GPN2: variants seen among roughly 807,000 people sequenced by gnomAD.
GPN2 encodes the protein GPN-loop GTPase 2.
In GPN2, 27 loss-of-function variants were observed where a neutral mutation model predicts 30.1. The observed-to-expected ratio is 0.90, with a 90% CI of 0.66 to 1.24. GPN2 has a LOEUF of 1.24. Among genes scored for constraint, GPN2 ranks in the 50% most tolerant of loss-of-function variants. GPN2 has a pLI of 0.00. For synonymous variants in GPN2, 212 were observed against 174.4 expected (o/e 1.22, Z -1.70); for missense variants, 406 against 405.4 (o/e 1.00, Z -0.01).
At chr1:26,889,342 G>C (rs2081908055) in intron 1 of GPN2, among the ~76,000 whole-genome samples, 1 of 151,966 alleles carries the variant, frequency 6.6e-6, no homozygotes, top group Non-Finnish European at 1.5e-5. Flanking sequence ...GTGGGCAAGG[G>C]GTTTAAATCC....
intron 2 of GPN2, among the ~76,000 whole-genome samples, chr1:26,887,153 T>G (rs2081895249): frequency 6.6e-6 from 1 of 152,196 alleles, no homozygotes; most frequent in Non-Finnish European, 1.5e-5. Context: ...ACTGAATAAA[T>G]GCTACATTCT....
In GPN2 at chr1:26,889,857, G is replaced by A; in HGVS notation, c.240C>T (p.Gly80=). 1 of 1,612,762 alleles carries A rather than the reference G, an allele frequency of 6.2e-7. No homozygotes were observed. The highest frequency in any genetic ancestry group is 1.1e-5 in the South Asian group (1 of 91,046). ...CCAGGTACTCCATGCAGTAGAGCAG[G>A]CCGCCGTTGGGCCCCAGGCGCAGCG... ...MDALRLGPNG[G]LLYCMEYLEA... Residue 80 remains glycine, a synonymous_variant, in exon 1 of 5, where the codon GGC becomes GGT. Transcript: ENST00000374135.
Position 26,879,492 on chromosome 1 carries a change from G to A in GPN2, c.*185C>T, listed in dbSNP as rs2081854310. 1.6e-6 allele frequency: 1 copy of A among 610,852 alleles called. No individual in the cohort carries two copies. Among genetic ancestry groups the A allele is most frequent in the Non-Finnish European group, 3.0e-6 (1 of 334,696 alleles). The allele number at this position is 610,852 out of a possible 1,614,324, so 37.8% of individuals were successfully genotyped here. On this transcript the variant is annotated 3_prime_UTR_variant, in exon 5 of 5. Coordinates refer to ENST00000374135, the MANE Select transcript of GPN2 (RefSeq NM_018066.4). Reference sequence around the variant, plus strand: ...TCACGGACACCACTGACAGTATGGGGGGTGTTCTGCTTGGCACCATGTCTG... The same window carrying A: ...TCACGGACACCACTGACAGTATGGGAGGTGTTCTGCTTGGCACCATGTCTG...
rs773563119 is a variant in GPN2 at position 26,884,305 on chromosome 1, G to A, written c.730-15C>T. ...CTCTCCTTGTCCTGAGCAGGGAGGA[G>A]AGAAACAGTTCTGTGAGTGAAACAG... On this transcript the variant is annotated splice_polypyrimidine_tract_variant and intron_variant, in intron 3 of 4. Transcript: ENST00000374135. 43 of 1,598,362 alleles carry A rather than the reference G, an allele frequency of 2.7e-5. No homozygotes were observed. Among genetic ancestry groups the A allele is most frequent in the East Asian group, 4.5e-5 (2 of 44,644 alleles).
Position 26,889,053 on chromosome 1 carries a change from A to C in GPN2, c.484T>G (p.Ser162Ala). 6.2e-7 allele frequency: 1 copy of C among 1,613,904 alleles called. No individual in the cohort carries two copies. Among genetic ancestry groups the C allele is most frequent in the Non-Finnish European group, 8.5e-7 (1 of 1,179,740 alleles). Reference sequence around the variant, plus strand: ...TCCACGTGCAGCATGGTGGCCAGGGAGGTACACAGTACTGAAATGAACTTG... The same window carrying C: ...TCCACGTGCAGCATGGTGGCCAGGGCGGTACACAGTACTGAAATGAACTTG... ...PAKFISVLCTSLATMLHVELP... is the reference protein window; with the variant it reads ...PAKFISVLCTALATMLHVELP... Residue 162 changes from serine (S) to alanine (A), a missense_variant, in exon 2 of 5, where the codon TCC (serine) becomes GCC (alanine). Transcript: ENST00000374135.
chr1:26,886,569 A>G (rs1465647447), intron 2 of GPN2: 2 of 421,274 alleles, frequency 4.7e-6, no homozygotes, highest in Non-Finnish European at 9.6e-6. Flanking sequence ...TCAAGCCTGT[A>G]ATCCCAGCAC....
intron 2 of GPN2, 112 bp downstream of exon 2, chr1:26,888,857 C>T: frequency 1.0e-6 from 1 of 995,316 alleles, no homozygotes; most frequent in Non-Finnish European, 1.6e-6. Flanking sequence ...CTGCCTGTGG[C>T]TACTATCACC....
chr1:26,886,124 A>C lies in GPN2; in HGVS notation c.578T>G (p.Leu193Arg). 6.2e-7 allele frequency: 1 copy of C among 1,613,354 alleles called. No homozygotes were observed. Among genetic ancestry groups the C allele is most frequent in the Non-Finnish European group, 8.5e-7 (1 of 1,179,370 alleles). Residue 193 changes from leucine (L) to arginine (R), a missense_variant, in exon 3 of 5, where the codon CTG becomes CGG. Leu to Arg is a moderately radical substitution (Grantham distance 102). Coordinates refer to ENST00000374135, the MANE Select transcript of GPN2 (RefSeq NM_018066.4). ...GTCCAGAACCTCTGTGTAGTAGTCC[A>C]GGTTGAAGGCTAAAGAGAGAAACCA... ...IEHYGKLAFN[L>R]DYYTEVLDLS...
Position 26,879,599 on chromosome 1 carries a change from G to C in GPN2, c.*78C>G, listed in dbSNP as rs902884455. ...TCTGGCTGGGAGGACTTGCTCTTGG[G>C]TCTGCAGCCTGCATCAGGAGCCTCC... On this transcript the variant is annotated 3_prime_UTR_variant, in exon 5 of 5. Transcript: ENST00000374135. 1.8e-6 allele frequency: 2 copies of C among 1,089,338 alleles called. No homozygotes were observed. The highest frequency in any genetic ancestry group is 2.8e-6 in the Non-Finnish European group (2 of 717,972). 67.5% of individuals were successfully genotyped at this position (1,089,338 alleles called of 1,614,324 possible). A position where few individuals can be genotyped will look rare whatever the true frequency, so the allele number is the denominator to read the frequency against.
At position 26,890,076 on chromosome 1, in the gene GPN2, G is replaced by A. The variant is rs1276236719; in HGVS notation, c.21C>T (p.Thr7=). ...CGATCACCGCCTGCCCGAAGGCCGT[G>A]GTCGGAGCGGCCCCTGCCATTGGCG... The part of the protein sequence containing the change: MAGAAP[T]TAFGQAVIGP... The change falls in exon 1 of 5, where the codon ACC becomes ACT. Residue 7 remains threonine, a synonymous_variant. Transcript: ENST00000374135. 1.3e-6 allele frequency: 2 copies of A among 1,555,134 alleles called. No homozygotes were observed. The highest frequency in any genetic ancestry group is 1.7e-6 in the Non-Finnish European group (2 of 1,156,106).
At chr1:26,888,381 C>T (rs985924550) in intron 2 of GPN2, among the ~76,000 whole-genome samples, 12 of 152,182 alleles carry the variant, frequency 7.9e-5, no homozygotes, top group Non-Finnish European at 1.3e-4. Context: ...ACCAGATCGG[C>T]TTGTGTCTTG....
rs571870842 is a variant in GPN2 at position 26,889,297 on chromosome 1, T to A, written c.412-172A>T. Among the ~76,000 whole-genome samples, 304 of 152,274 alleles carry A rather than the reference T, an allele frequency of 2.0e-3. 1 individual carries two copies. The highest frequency in any genetic ancestry group is 6.7e-3 in the African/African-American group (280 of 41,558). On this transcript the variant is annotated intron_variant, in intron 1 of 4. Transcript: ENST00000374135. ...CTCCCAGGAAATAGGAGTCATTTTT[T>A]TTTTCTTACAAGAGGTCTTGCACTG...
At chr1:26,882,916 G>A (rs369297278) in intron 4 of GPN2, among the ~76,000 whole-genome samples, 10 of 152,238 alleles carry the variant, frequency 6.6e-5, no homozygotes, top group African/African-American at 2.4e-4. Flanking sequence ...ACCACCCACC[G>A]TCTAAGCCAG....
rs1429687077 is a variant in GPN2 at position 26,876,748 on chromosome 1, G to A, written c.*2929C>T. 1 of 151,996 alleles carries A rather than the reference G, an allele frequency of 6.6e-6. No homozygotes were observed. The highest frequency in any genetic ancestry group is 2.4e-5 in the African/African-American group (1 of 41,358). 9.4% of individuals were successfully genotyped at this position (151,996 alleles called of 1,614,324 possible). On this transcript the variant is annotated 3_prime_UTR_variant, in exon 5 of 5. Coordinates refer to ENST00000374135, the MANE Select transcript of GPN2 (RefSeq NM_018066.4). ...AAAATCATTTTGCTGCCAGTGGAAGGTAGACAGAAGCTACGTTTATTGGGG... is the reference window on the plus strand; with the variant it reads ...AAAATCATTTTGCTGCCAGTGGAAGATAGACAGAAGCTACGTTTATTGGGG...
Position 26,889,792 on chromosome 1 carries a change from AG to A in GPN2, c.304del (p.Leu102SerfsTer37). 1.2e-6 allele frequency: 2 copies of A among 1,613,822 alleles called. No individual in the cohort carries two copies. Among genetic ancestry groups the A allele is most frequent in the Non-Finnish European group, 1.7e-6 (2 of 1,179,998 alleles). On this transcript the variant is annotated frameshift_variant, in exon 1 of 5. Coordinates refer to ENST00000374135, the MANE Select transcript of GPN2 (RefSeq NM_018066.4). LOFTEE classifies it high-confidence loss of function. ...LDWLRAKLDP[L>X]RGHYFLFDCP... ...GTCGAAGAGGAAGTAGTGGCCGCGG[AG>A]GGGGTCGAGCTTGGCACGCAGCCAG...
chr1:26,884,613 C>A (rs2081881782), intron 3 of GPN2, among the ~76,000 whole-genome samples: 1 of 152,226 alleles, frequency 6.6e-6, no homozygotes, highest in Non-Finnish European at 1.5e-5. Flanking sequence ...AGGGCCAGGT[C>A]ATCTGTCGCA....
chr1:26,882,778 G>C (rs1373487589), intron 4 of GPN2, among the ~76,000 whole-genome samples: 1 of 152,122 alleles, frequency 6.6e-6, no homozygotes, highest in Admixed American at 6.6e-5. Context: ...CCAAAAGTCT[G>C]GCTGCCTCTT....
Position 26,884,244 on chromosome 1 carries a change from T to C in GPN2, c.776A>G (p.Asn259Ser), listed in dbSNP as rs367870877. The change falls in exon 4 of 5, where the codon AAT becomes AGT. Residue 259 changes from asparagine (N) to serine (S), a missense_variant. Transcript: ENST00000374135. ...CTCTTGGGCTCTGAAACAGTATCCA[T>C]TGGCTTTATCCACAGCCTGCAGGAC... ...QRVLQAVDKA[N>S]GYCFRAQEQR... The C allele has an allele frequency of 3.3e-5, 53 of 1,613,880 alleles. No individual in the cohort carries two copies. In the South Asian group the frequency reaches 4.4e-4, roughly 13 times the overall value.
At chr1:26,886,817 C>CA (rs1179304725) in intron 2 of GPN2, among the ~76,000 whole-genome samples, 23 of 145,632 alleles carry the variant, frequency 1.6e-4, no homozygotes, top group Non-Finnish European at 2.6e-4. Flanking sequence ...GACTCCGTCT[C>CA]AAAAAAAAAG....
Sources: gnomAD v4.1 joint callset for allele counts (sites outside exome capture counted in the v4.1 genomes callset) on GRCh38, gnomAD v4.1.1 for gene constraint, MANE v1.5 for transcripts, NCBI Gene and HGNC (gene_info 2026-07-23, HGNC 2026-07-21) for gene names.